The following CFAP210 variants were observed in gnomAD, a reference collection of about 807,000 sequenced individuals.
CFAP210 encodes the protein cilia- and flagella- associated protein 210.
chr2:169,682,483 T>TAC, the CFAP210 span, among the ~76,000 whole-genome samples: 1 of 142,648 alleles, frequency 7.0e-6, no homozygotes, highest in Non-Finnish European at 1.6e-5. Flanking sequence ...TGCCATTTTC[T>TAC]ATACACACAC....
the CFAP210 span, among the ~76,000 whole-genome samples, chr2:169,670,654 G>A: frequency 2.0e-5 from 3 of 152,220 alleles, no homozygotes; most frequent in African/African-American, 7.2e-5. Flanking sequence ...TCACATATTT[G>A]GTGTCAGGAT....
chr2:169,651,749 A>AAAT, the CFAP210 span, among the ~76,000 whole-genome samples: 2 of 152,206 alleles, frequency 1.3e-5, no homozygotes, highest in African/African-American at 4.8e-5. Context: ...AAAATCAAGG[A>AAAT]AATAATCTAA....
At chr2:169,651,444 G>T in the CFAP210 span, among the ~76,000 whole-genome samples, 1 of 151,758 alleles carries the variant, frequency 6.6e-6, no homozygotes, top group Non-Finnish European at 1.5e-5. Flanking sequence ...ACCCAGGCTG[G>T]AGTGCAGTGG....
the CFAP210 span, chr2:169,694,370 G>A: frequency 6.3e-7 from 1 of 1,580,700 alleles, no homozygotes; most frequent in Non-Finnish European, 8.7e-7. Flanking sequence ...GCCAAGCGCC[G>A]CGGACGCCAG....
At chr2:169,646,683 G>A in the CFAP210 span, among the ~76,000 whole-genome samples, 1 of 152,156 alleles carries the variant, frequency 6.6e-6, no homozygotes, top group African/African-American at 2.4e-5. Flanking sequence ...ATTTAAAATT[G>A]GAACAGTGAG....
At chr2:169,667,390 C>T in the CFAP210 span, among the ~76,000 whole-genome samples, 1 of 152,054 alleles carries the variant, frequency 6.6e-6, no homozygotes, top group East Asian at 1.9e-4. Flanking sequence ...CCAACCACCT[C>T]GGCCTCCCAA....
the CFAP210 span, among the ~76,000 whole-genome samples, chr2:169,683,889 G>T: frequency 6.6e-6 from 1 of 152,178 alleles, no homozygotes; most frequent in East Asian, 1.9e-4. Flanking sequence ...CCCACAGAAA[G>T]CTTGGGAAAG....
the CFAP210 span, among the ~76,000 whole-genome samples, chr2:169,648,523 T>C: frequency 2.0e-5 from 3 of 152,112 alleles, no homozygotes; most frequent in Non-Finnish European, 2.9e-5. Flanking sequence ...CAATTAAAAA[T>C]TGGCAACACT....
the CFAP210 span, among the ~76,000 whole-genome samples, chr2:169,677,115 G>A: frequency 6.6e-6 from 1 of 152,216 alleles, no homozygotes; most frequent in Admixed American, 6.5e-5. Flanking sequence ...GTTCCAGAGA[G>A]AGGAAGAGGC....
the CFAP210 span, chr2:169,661,242 G>T: frequency 1.8e-6 from 1 of 564,616 alleles, no homozygotes. Context: ...GTATTTCATG[G>T]TCATCTCCTC....
At chr2:169,652,396 T>C in the CFAP210 span, among the ~76,000 whole-genome samples, 1 of 152,214 alleles carries the variant, frequency 6.6e-6, no homozygotes, top group Non-Finnish European at 1.5e-5. Context: ...TTGCTTACTA[T>C]GCTCCTGACA....
the CFAP210 span, among the ~76,000 whole-genome samples, chr2:169,690,009 A>AT: frequency 1.3e-5 from 2 of 151,976 alleles, no homozygotes; most frequent in African/African-American, 4.8e-5. Context: ...TAATTAACTT[A>AT]TTTTTTGAGA....
chr2:169,686,561 G>C, the CFAP210 span, among the ~76,000 whole-genome samples: 1 of 152,206 alleles, frequency 6.6e-6, no homozygotes, highest in Non-Finnish European at 1.5e-5. Context: ...TCTCTGCAGA[G>C]TCTGGAAGTA....
At chr2:169,660,949 T>C in the CFAP210 span, 2 of 471,114 alleles carry the variant, frequency 4.2e-6, no homozygotes, top group Non-Finnish European at 8.3e-6. Context: ...TCTTCTATAA[T>C]AGCTGAAATC....
the CFAP210 span, chr2:169,658,008 A>AT: frequency 6.6e-6 from 1 of 152,154 alleles, no homozygotes; most frequent in East Asian, 1.9e-4. Flanking sequence ...TAATTAAAAA[A>AT]TTTTACCTCT....
chr2:169,687,446 A>G, the CFAP210 span, among the ~76,000 whole-genome samples: 1 of 152,240 alleles, frequency 6.6e-6, no homozygotes, highest in African/African-American at 2.4e-5. Flanking sequence ...AAATACAGCC[A>G]TTCCAAATGG....
chr2:169,672,647 A>G, the CFAP210 span, among the ~76,000 whole-genome samples: 1 of 152,198 alleles, frequency 6.6e-6, no homozygotes, highest in Non-Finnish European at 1.5e-5. Flanking sequence ...ACCAATAGAT[A>G]AGGAAGCCAG....
At chr2:169,679,099 C>T in the CFAP210 span, among the ~76,000 whole-genome samples, 3 of 151,864 alleles carry the variant, frequency 2.0e-5, no homozygotes, top group African/African-American at 7.3e-5. Context: ...ATGGTATTTT[C>T]AATAAATTAT....
At chr2:169,673,900 ACT>A in the CFAP210 span, among the ~76,000 whole-genome samples, 8 of 152,060 alleles carry the variant, frequency 5.3e-5, no homozygotes, top group Non-Finnish European at 1.2e-4. Context: ...TTAAAAAAAA[ACT>A]CTGCATGGCT....
Sources: allele counts gnomAD v4.1 joint callset (sites outside exome capture counted in the v4.1 genomes callset), GRCh38; gene constraint gnomAD v4.1.1; transcripts MANE v1.5; gene names NCBI Gene and HGNC (gene_info 2026-07-23, HGNC 2026-07-21).